Variants in HS6ST3 observed in about 807,000 individuals in gnomAD.
HS6ST3 encodes the protein heparan sulfate 6-O-sulfotransferase 3.
Under a neutral mutation model 36.7 loss-of-function variants are expected in HS6ST3, and 12 were observed. That is an observed-to-expected ratio of 0.33 (90% CI 0.21 to 0.53). The LOEUF (loss-of-function observed/expected upper bound fraction) is 0.53. Among genes scored for constraint, HS6ST3 ranks in the 20% least tolerant of loss-of-function variants. The pLI is 0.95. For missense variants in HS6ST3, 584 were observed against 640.9 expected (o/e 0.91, Z 0.96); for synonymous variants, 240 against 257.5 (o/e 0.93, Z 0.65).
intron 1 of HS6ST3, among the ~76,000 whole-genome samples, chr13:96,564,119 A>T (rs1467801817): frequency 6.6e-6 from 1 of 152,210 alleles, no homozygotes; most frequent in Non-Finnish European, 1.5e-5. Context: ...AAGTTCAGCA[A>T]GTGGTGTCAG....
At chr13:96,525,977 ACAGACATG>A (rs915447125) in intron 1 of HS6ST3, among the ~76,000 whole-genome samples, 2 of 152,200 alleles carry the variant, frequency 1.3e-5, no homozygotes, top group African/African-American at 4.8e-5. Flanking sequence ...TTGTATAGAT[ACAGACATG>A]CATTATTATA....
At chr13:96,168,823 G>A (rs2054173214) in intron 1 of HS6ST3, among the ~76,000 whole-genome samples, 1 of 152,102 alleles carries the variant, frequency 6.6e-6, no homozygotes, top group African/African-American at 2.4e-5. Flanking sequence ...TTGGTACATA[G>A]ATATGTTGGG....
chr13:96,110,641 G>A (rs1425207923), intron 1 of HS6ST3, among the ~76,000 whole-genome samples: 7 of 151,812 alleles, frequency 4.6e-5, no homozygotes, highest in Admixed American at 3.3e-4. Flanking sequence ...TTTCACCATG[G>A]CCTCAATCTC....
chr13:96,160,899 G>A (rs1052677967), intron 1 of HS6ST3, among the ~76,000 whole-genome samples: 1 of 152,250 alleles, frequency 6.6e-6, no homozygotes. Context: ...AAAGGGAGGT[G>A]GTACTTGAGG....
chr13:96,690,941 T>A (rs769251448), intron 1 of HS6ST3, among the ~76,000 whole-genome samples: 21 of 152,134 alleles, frequency 1.4e-4, no homozygotes, highest in Admixed American at 2.6e-4. Context: ...ACATAAAATG[T>A]CAAGTGTCTA....
At chr13:96,271,249 C>T (rs1292379130) in intron 1 of HS6ST3, among the ~76,000 whole-genome samples, 5 of 151,852 alleles carry the variant, frequency 3.3e-5, no homozygotes, top group Non-Finnish European at 7.4e-5. Flanking sequence ...TTACACCATA[C>T]AGATGCAAAT....
chr13:96,413,000 C>T (rs2055515637), intron 1 of HS6ST3, among the ~76,000 whole-genome samples: 1 of 152,022 alleles, frequency 6.6e-6, no homozygotes, highest in Admixed American at 6.5e-5. Flanking sequence ...TCTCAAATCC[C>T]CTTCTTCCTG....
chr13:96,179,820 A>G (rs541569671), intron 1 of HS6ST3, among the ~76,000 whole-genome samples: 6 of 151,480 alleles, frequency 4.0e-5, no homozygotes, highest in Non-Finnish European at 8.8e-5. Flanking sequence ...ATTTCCTGCT[A>G]TTTTATTTTA....
At chr13:96,387,514 G>T (rs1212854201) in intron 1 of HS6ST3, among the ~76,000 whole-genome samples, 1 of 152,046 alleles carries the variant, frequency 6.6e-6, no homozygotes, top group Admixed American at 6.6e-5. Context: ...TTTTCTTTTG[G>T]AAATAAATAA....
chr13:96,427,756 A>G (rs2055594419), intron 1 of HS6ST3, among the ~76,000 whole-genome samples: 1 of 152,154 alleles, frequency 6.6e-6, no homozygotes, highest in South Asian at 2.1e-4. Context: ...TGTCTGTTCC[A>G]GGATCGAATC....
intron 1 of HS6ST3, among the ~76,000 whole-genome samples, chr13:96,380,125 C>T (rs953887177): frequency 5.9e-5 from 9 of 152,168 alleles, no homozygotes; most frequent in African/African-American, 1.9e-4. Flanking sequence ...GCAAGCAGCT[C>T]TCTGCTTCAT....
At chr13:96,315,417 GAA>G (rs1362416703) in intron 1 of HS6ST3, among the ~76,000 whole-genome samples, 2 of 152,050 alleles carry the variant, frequency 1.3e-5, no homozygotes, top group Non-Finnish European at 2.9e-5. Flanking sequence ...CAGAGTGTAA[GAA>G]TATGCTTTTA....
In HS6ST3 at chr13:96,835,935, G is replaced by A. The variant is rs992386846; in HGVS notation, c.*2737G>A. Reference sequence around the variant, plus strand: ...CAGTACTAAGCAAATTAAAAAGACCGACATGGGCTTCCTCCCTCATATCAT... The same window carrying A: ...CAGTACTAAGCAAATTAAAAAGACCAACATGGGCTTCCTCCCTCATATCAT... On this transcript the variant is annotated 3_prime_UTR_variant, in exon 2 of 2. Transcript: ENST00000376705. 6.6e-6 allele frequency: 1 copy of A among 152,206 alleles called. No individual in the cohort carries two copies. Among genetic ancestry groups the A allele is most frequent in the Non-Finnish European group, 1.5e-5 (1 of 68,058 alleles). 9.4% of individuals were successfully genotyped at this position (152,206 alleles called of 1,614,324 possible). A position where few individuals can be genotyped will look rare whatever the true frequency, so the allele number is the denominator to read the frequency against.
Position 96,528,618 on chromosome 13 carries a change from A to G in HS6ST3, c.708-303872A>G, listed in dbSNP as rs187524429. Among the ~76,000 whole-genome samples the G allele has an allele frequency of 3.3e-5, 5 of 152,316 alleles. No individual in the cohort carries two copies. In the East Asian group the frequency reaches 9.6e-4, roughly 29 times the overall value. Reference sequence around the variant, plus strand: ...CATCTCTGGGTAAAAGATTCATTTAAAGTTGACAATGTATTTTACTATAAC... The same window carrying G: ...CATCTCTGGGTAAAAGATTCATTTAGAGTTGACAATGTATTTTACTATAAC... On this transcript the variant is annotated intron_variant, in intron 1 of 1. Coordinates refer to ENST00000376705, the MANE Select transcript of HS6ST3 (RefSeq NM_153456.4).
chr13:96,359,875 G>C (rs963458389), intron 1 of HS6ST3, among the ~76,000 whole-genome samples: 1 of 152,162 alleles, frequency 6.6e-6, no homozygotes, highest in Non-Finnish European at 1.5e-5. Flanking sequence ...AGGAGTTGAA[G>C]GGAAGATTTG....
At chr13:96,341,741 A>C (rs2055131417) in intron 1 of HS6ST3, among the ~76,000 whole-genome samples, 1 of 152,186 alleles carries the variant, frequency 6.6e-6, no homozygotes, top group South Asian at 2.1e-4. Flanking sequence ...TTTATAACAA[A>C]ACATAGGAAA....
intron 1 of HS6ST3, among the ~76,000 whole-genome samples, chr13:96,256,137 G>A (rs932831989): frequency 1.3e-5 from 2 of 152,146 alleles, no homozygotes; most frequent in African/African-American, 4.8e-5. Flanking sequence ...AAATGTTATT[G>A]TATAGACGAT....
chr13:96,202,865 T>C (rs777318095), intron 1 of HS6ST3, among the ~76,000 whole-genome samples: 40 of 152,346 alleles, frequency 2.6e-4, no homozygotes, highest in Middle Eastern at 6.8e-3. Flanking sequence ...TTATTGCAGC[T>C]CTGACTTTTT....
chr13:96,242,277 A>G (rs1472390911), intron 1 of HS6ST3, among the ~76,000 whole-genome samples: 2 of 150,610 alleles, frequency 1.3e-5, no homozygotes, highest in Non-Finnish European at 3.0e-5. Context: ...GGTAGAGTGC[A>G]ATGGTGCCAC....
Sources: allele counts gnomAD v4.1 joint callset (sites outside exome capture counted in the v4.1 genomes callset), GRCh38; gene constraint gnomAD v4.1.1; transcripts MANE v1.5; gene names NCBI Gene and HGNC (gene_info 2026-07-23, HGNC 2026-07-21).